The following HADHB variants were observed in gnomAD, a reference collection of about 807,000 sequenced individuals.
The protein encoded by HADHB is hydroxyacyl-CoA dehydrogenase trifunctional multienzyme complex subunit beta.
In HADHB, 50 loss-of-function variants were observed where a neutral mutation model predicts 61.9. That is an observed-to-expected ratio of 0.81 (90% CI 0.64 to 1.02). The LOEUF is 1.02. Among genes scored for constraint, HADHB ranks in the 50% least tolerant of loss-of-function variants. The probability of loss-of-function intolerance (pLI) is 0.00; values close to 1 mark genes in which losing one functional copy is unlikely to be tolerated. For synonymous variants in HADHB, 191 were observed against 201.6 expected (o/e 0.95, Z 0.45); for missense variants, 504 against 586.5 (o/e 0.86, Z 1.45).
intron 11 of HADHB, 30 bp downstream of exon 11, chr2:26,282,954 T>G: frequency 6.2e-7 from 1 of 1,602,066 alleles, no homozygotes; most frequent in Non-Finnish European, 8.6e-7. Context: ...AAATCATCTC[T>G]GATTTCTTTA....
intron 15 of HADHB, among the ~76,000 whole-genome samples, chr2:26,286,107 T>C (rs1356356028): frequency 6.6e-6 from 1 of 152,196 alleles, no homozygotes; most frequent in Non-Finnish European, 1.5e-5. Flanking sequence ...ATATAATGTT[T>C]ATTTTTTACT....
chr2:26,288,041 T>G (rs567719126), intron 15 of HADHB, among the ~76,000 whole-genome samples: 1 of 152,140 alleles, frequency 6.6e-6, no homozygotes, highest in Non-Finnish European at 1.5e-5. Context: ...CTAAGGCAGC[T>G]GGGTGGCTTG....
intron 3 of HADHB, among the ~76,000 whole-genome samples, chr2:26,258,020 A>G (rs1671703440): frequency 6.6e-6 from 1 of 152,102 alleles, no homozygotes; most frequent in Non-Finnish European, 1.5e-5. Context: ...TCTGTCTCAA[A>G]AAAAAAAAGA....
chr2:26,278,532 C>CT, intron 7 of HADHB, 82 bp from the exon 8 acceptor site: 1 of 1,201,686 alleles, frequency 8.3e-7, no homozygotes, highest in Non-Finnish European at 1.2e-6. Flanking sequence ...TGTCATTCAG[C>CT]TTTTTAATCA....
chr2:26,281,847 A>G (rs1247691872), intron 10 of HADHB, among the ~76,000 whole-genome samples: 1 of 152,164 alleles, frequency 6.6e-6, no homozygotes, highest in Non-Finnish European at 1.5e-5. Flanking sequence ...GGTAGAACTT[A>G]TTTTGATTTT....
chr2:26,270,940 G>A (rs1181223691), intron 5 of HADHB, among the ~76,000 whole-genome samples: 3 of 147,930 alleles, frequency 2.0e-5, no homozygotes, highest in Admixed American at 6.7e-5. Flanking sequence ...GTGCAGTGGC[G>A]TGATTTCGGC....
In HADHB at chr2:26,278,790, C is replaced by T. The variant is rs779801534; in HGVS notation, c.619C>T (p.Leu207=). Residue 207 remains leucine (L), a synonymous_variant, in exon 8 of 16, where the codon CTA becomes TTA. Transcript: ENST00000317799. ...SLISKFRFNF[L]APELPAVSEF... ...AATCTCTAAATTCCGATTTAATTTC[C>T]TAGCACCTGAGGTAAGGCTTGTGTT... 1 of 1,613,986 alleles carries T rather than the reference C, an allele frequency of 6.2e-7. No homozygotes were observed. Among genetic ancestry groups the T allele is most frequent in the East Asian group, 2.2e-5 (1 of 44,876 alleles).
rs1201885674 is a variant in HADHB, at chr2:26,286,071, A to G, written c.1389+500A>G. Among the ~76,000 whole-genome samples the G allele has an allele frequency of 3.3e-5, 5 of 152,074 alleles. No homozygotes were observed. In the South Asian group the frequency reaches 8.3e-4, roughly 25 times the overall value. On this transcript the variant is annotated intron_variant, in intron 15 of 15. Coordinates refer to ENST00000317799, the MANE Select transcript of HADHB (RefSeq NM_000183.3). ...GATAATTCTTTGGAAGGAAACAGCTATTTAAACCCAAGCTATTTTTCCCCA... is the reference window on the plus strand; with the variant it reads ...GATAATTCTTTGGAAGGAAACAGCTGTTTAAACCCAAGCTATTTTTCCCCA...
chr2:26,278,601 C>A lies in HADHB; in HGVS notation c.443-13C>A. On this transcript the variant is annotated splice_polypyrimidine_tract_variant and intron_variant, in intron 7 of 15. Transcript: ENST00000317799. ...GTAAAAGATATTCATGAAGTATAAC[C>A]TGTGCCCTGTAGGTGTTGGCTTGAT... is the stretch of plus-strand genomic sequence containing the variant. 1.2e-6 allele frequency: 2 copies of A among 1,608,662 alleles called. No homozygotes were observed. The highest frequency in any genetic ancestry group is 1.7e-6 in the Non-Finnish European group (2 of 1,175,034).
At position 26,279,261 on chromosome 2, in the gene HADHB, A is replaced by G; in HGVS notation, c.757A>G (p.Lys253Glu). 6.2e-7 allele frequency: 1 copy of G among 1,613,630 alleles called. No individual in the cohort carries two copies. The highest frequency in any genetic ancestry group is 8.5e-7 in the Non-Finnish European group (1 of 1,179,556). Residue 253 changes from lysine to glutamate, a missense_variant, in exon 9 of 16, where the codon AAG becomes GAG. Transcript: ENST00000317799. ...EYALRSHSLA[K>E]KAQDEGLLSD... ...TGCACTGCGCTCTCACAGTCTAGCC[A>G]AGAAGGCACAGGATGAAGGACTCCT... is the stretch of plus-strand genomic sequence containing the variant.
chr2:26,253,453 G>A (rs1366259356), intron 1 of HADHB, among the ~76,000 whole-genome samples: 2 of 152,022 alleles, frequency 1.3e-5, no homozygotes, highest in Non-Finnish European at 1.5e-5. Context: ...CTTCAGAATC[G>A]TGAAACTAAT....
At chr2:26,255,653 A>G (rs1671579092) in intron 3 of HADHB, among the ~76,000 whole-genome samples, 1 of 152,200 alleles carries the variant, frequency 6.6e-6, no homozygotes, top group Non-Finnish European at 1.5e-5. Flanking sequence ...CATCTAAAAA[A>G]GGAATATATA....
chr2:26,288,138 G>T (rs1049576018), intron 15 of HADHB, among the ~76,000 whole-genome samples: 1 of 152,064 alleles, frequency 6.6e-6, no homozygotes, highest in Admixed American at 6.5e-5. Flanking sequence ...ATGATGGTAC[G>T]CACCTGTGGT....
chr2:26,262,831 A>G (rs1163119932), intron 3 of HADHB, among the ~76,000 whole-genome samples: 1 of 152,230 alleles, frequency 6.6e-6, no homozygotes, highest in African/African-American at 2.4e-5. Context: ...TGTTAATGGC[A>G]TAAATTCCCT....
At chr2:26,284,805 C>T (rs1672954906) in intron 13 of HADHB, 78 bp from the exon 14 acceptor site, 1 of 848,752 alleles carries the variant, frequency 1.2e-6, no homozygotes, top group South Asian at 1.3e-5. Context: ...AGTTGTTAAA[C>T]TTTCACAAAC....
At chr2:26,282,733 C>CA in intron 10 of HADHB, 112 bp from the exon 11 acceptor site, 1 of 745,900 alleles carries the variant, frequency 1.3e-6, no homozygotes, top group Non-Finnish European at 2.4e-6. Flanking sequence ...TATATAGAAT[C>CA]ACTGTATAAG....
intron 5 of HADHB, among the ~76,000 whole-genome samples, chr2:26,270,278 C>T (rs538406260): frequency 2.0e-5 from 3 of 152,118 alleles, no homozygotes; most frequent in Non-Finnish European, 4.4e-5. Context: ...GGTAGCTGAA[C>T]AGATTATGTA....
chr2:26,257,136 T>A (rs1038376184), intron 3 of HADHB, among the ~76,000 whole-genome samples: 1 of 151,090 alleles, frequency 6.6e-6, no homozygotes, highest in African/African-American at 2.4e-5. Context: ...TTTCTTTTTT[T>A]TTGAGACAGA....
Position 26,285,589 on chromosome 2 carries a change from C to T in HADHB, c.1389+18C>T. On this transcript the variant is annotated intron_variant, in intron 15 of 15. Transcript: ENST00000317799. The stretch of plus-strand genomic sequence containing the variant: ...GAGGGCAGGTACGTTACAGTGGTGT[C>T]ATAGGACCCTCCAGAGAGTCATTTT... 6.3e-7 allele frequency: 1 copy of T among 1,585,192 alleles called. No homozygotes were observed. Among genetic ancestry groups the T allele is most frequent in the Non-Finnish European group, 8.6e-7 (1 of 1,158,004 alleles).
Sources: allele counts gnomAD v4.1 joint callset (sites outside exome capture counted in the v4.1 genomes callset), GRCh38; gene constraint gnomAD v4.1.1; transcripts MANE v1.5; gene names NCBI Gene and HGNC (gene_info 2026-07-23, HGNC 2026-07-21).